CTNND2: variants seen among roughly 807,000 people sequenced by gnomAD.
CTNND2 encodes the protein catenin delta-2.
A neutral mutation model predicts 144.4 loss-of-function variants in CTNND2; 22 were observed. The ratio of observed to expected loss-of-function variants is 0.15; its 90% CI spans 0.11 to 0.22. The LOEUF (loss-of-function observed/expected upper bound fraction) is 0.22, where lower values mean the gene tolerates loss of function less well. Among genes scored for constraint, CTNND2 ranks in the 10% least tolerant of loss-of-function variants. CTNND2 has a pLI of 1.00. For missense variants in CTNND2, 1,353 were observed against 1,618.8 expected (o/e 0.84, Z 2.82); for synonymous variants, 751 against 695.6 (o/e 1.08, Z -1.25).
At chr5:11,725,831 A>G (rs1786987100) in intron 2 of CTNND2, among the ~76,000 whole-genome samples, 2 of 152,182 alleles carry the variant, frequency 1.3e-5, no homozygotes, top group African/African-American at 4.8e-5. Context: ...ACTATTGAAC[A>G]TTGTTTCCTT....
chr5:11,055,363 G>C (rs1228235329), intron 16 of CTNND2, among the ~76,000 whole-genome samples: 1 of 152,208 alleles, frequency 6.6e-6, no homozygotes. Context: ...CCAAGAAGGA[G>C]AGACTGACTC....
chr5:11,445,119 C>A (rs570870604), intron 3 of CTNND2, among the ~76,000 whole-genome samples: 3 of 152,224 alleles, frequency 2.0e-5, no homozygotes, highest in African/African-American at 7.2e-5. Flanking sequence ...CTGGCAGGAC[C>A]ATGCTCTTTC....
At chr5:11,346,104 G>A (rs992418162) in intron 9 of CTNND2, among the ~76,000 whole-genome samples, 8 of 151,874 alleles carry the variant, frequency 5.3e-5, no homozygotes, top group Admixed American at 5.3e-4. Context: ...TATTAAAGAC[G>A]GCTGTTTACA....
chr5:11,657,286 T>G (rs1424092467), intron 2 of CTNND2, among the ~76,000 whole-genome samples: 2 of 152,114 alleles, frequency 1.3e-5, no homozygotes, highest in East Asian at 3.8e-4. Context: ...AACAATAATA[T>G]AATCATACAT....
intron 1 of CTNND2, among the ~76,000 whole-genome samples, chr5:11,871,842 G>C (rs1735149305): frequency 6.6e-6 from 1 of 152,160 alleles, no homozygotes; most frequent in African/African-American, 2.4e-5. Flanking sequence ...TTGGGAAGCA[G>C]AAATGATTAC....
intron 6 of CTNND2, among the ~76,000 whole-genome samples, chr5:11,385,563 G>T (rs1254424174): frequency 1.3e-5 from 2 of 152,132 alleles, no homozygotes; most frequent in African/African-American, 4.8e-5. Context: ...GCCCCACCCC[G>T]ACAGGGCAAT....
intron 6 of CTNND2, chr5:11,385,992 C>A (rs1276020451): frequency 6.6e-6 from 1 of 152,192 alleles, no homozygotes; most frequent in Admixed American, 6.5e-5. Flanking sequence ...CCTTTAAGAG[C>A]CCCCTGCAGC....
chr5:11,105,010 G>A (rs1333910284), intron 14 of CTNND2, among the ~76,000 whole-genome samples: 1 of 152,212 alleles, frequency 6.6e-6, no homozygotes, highest in South Asian at 2.1e-4. Flanking sequence ...CTACTCCACA[G>A]ACTGGCATCA....
At chr5:11,790,114 T>G (rs192873560) in intron 1 of CTNND2, among the ~76,000 whole-genome samples, 1 of 152,214 alleles carries the variant, frequency 6.6e-6, no homozygotes, top group African/African-American at 2.4e-5. Flanking sequence ...GTGTTTAAAA[T>G]TGAGCTGGAC....
At chr5:11,828,326 T>A (rs1480228685) in intron 1 of CTNND2, among the ~76,000 whole-genome samples, 2 of 151,924 alleles carry the variant, frequency 1.3e-5, no homozygotes, top group East Asian at 3.9e-4. Context: ...GGTCAGGAGT[T>A]CGAGACCAGC....
At chr5:11,591,668 C>G (rs1341054989) in intron 2 of CTNND2, among the ~76,000 whole-genome samples, 1 of 151,928 alleles carries the variant, frequency 6.6e-6, no homozygotes, top group Non-Finnish European at 1.5e-5. Flanking sequence ...ACTCAAGTTA[C>G]AAAAAAATTG....
chr5:11,141,511 C>T (rs1756719208), intron 12 of CTNND2, among the ~76,000 whole-genome samples: 1 of 152,080 alleles, frequency 6.6e-6, no homozygotes, highest in Non-Finnish European at 1.5e-5. Flanking sequence ...TTTGGGGATG[C>T]TTAGTTATTC....
At chr5:11,786,896 G>C (rs1790866937) in intron 1 of CTNND2, among the ~76,000 whole-genome samples, 2 of 152,144 alleles carry the variant, frequency 1.3e-5, no homozygotes, top group South Asian at 4.1e-4. Context: ...AATAGAGTTG[G>C]GGGACAGAAG....
intron 9 of CTNND2, among the ~76,000 whole-genome samples, chr5:11,287,314 C>T (rs1455236209): frequency 1.3e-5 from 2 of 152,162 alleles, no homozygotes; most frequent in Non-Finnish European, 2.9e-5. Flanking sequence ...AAAGACTGCC[C>T]ACCTTAGAAG....
chr5:11,713,480 G>T (rs1025793231), intron 2 of CTNND2, among the ~76,000 whole-genome samples: 6 of 150,714 alleles, frequency 4.0e-5, no homozygotes, highest in Non-Finnish European at 7.4e-5. Context: ...TCAGGAGGTT[G>T]AGGCTGGAGA....
At chr5:11,390,017 G>A (rs888422653) in intron 6 of CTNND2, among the ~76,000 whole-genome samples, 3 of 151,928 alleles carry the variant, frequency 2.0e-5, no homozygotes, top group Admixed American at 6.6e-5. Context: ...TTCTAAAATC[G>A]CCCCCCGCCA....
intron 2 of CTNND2, among the ~76,000 whole-genome samples, chr5:11,641,922 C>T (rs761500420): frequency 1.3e-5 from 2 of 151,848 alleles, no homozygotes; most frequent in African/African-American, 4.8e-5. Flanking sequence ...AAACAATTTA[C>T]ATGTTTAAAA....
chr5:11,327,566 C>T (rs934011010), intron 9 of CTNND2, among the ~76,000 whole-genome samples: 7 of 152,248 alleles, frequency 4.6e-5, no homozygotes, highest in South Asian at 2.1e-4. Flanking sequence ...ATCAAATAAA[C>T]GAAAACTCTA....
chr5:11,606,613 CA>C, intron 2 of CTNND2, among the ~76,000 whole-genome samples: 1 of 152,156 alleles, frequency 6.6e-6, no homozygotes, highest in South Asian at 2.1e-4. Context: ...CTGGAGGTGA[CA>C]GGAAGGCAGG....
Sources: allele counts gnomAD v4.1 joint callset (sites outside exome capture counted in the v4.1 genomes callset), GRCh38; gene constraint gnomAD v4.1.1; transcripts MANE v1.5; gene names NCBI Gene and HGNC (gene_info 2026-07-23, HGNC 2026-07-21).